The following POPDC3 variants were observed in gnomAD, a reference collection of about 807,000 sequenced individuals.
The protein encoded by POPDC3 is popeye domain-containing protein 3.
POPDC3 carries 20 observed loss-of-function variants against 28.2 expected under a neutral mutation model. The observed-to-expected ratio is 0.71, with a 90% CI of 0.50 to 1.03. The LOEUF is 1.03. Ranked by LOEUF, POPDC3 falls within the 50% of genes least tolerant of loss-of-function variation. The probability of loss-of-function intolerance (pLI) is 0.00; values close to 1 mark genes in which losing one functional copy is unlikely to be tolerated. For missense variants in POPDC3, 316 were observed against 345.9 expected (o/e 0.91, Z 0.69); for synonymous variants, 118 against 124.1 (o/e 0.95, Z 0.33).
At chr6:105,166,713 T>C (rs976211988) in intron 1 of POPDC3, 1 of 467,860 alleles carries the variant, frequency 2.1e-6, no homozygotes, top group Non-Finnish European at 4.4e-6. Flanking sequence ...GTAAGCTGAG[T>C]TTTTAATGGC....
intron 1 of POPDC3, among the ~76,000 whole-genome samples, chr6:105,175,568 C>T (rs145906981): frequency 5.7e-4 from 78 of 136,046 alleles, no homozygotes; most frequent in African/African-American, 2.1e-3. Flanking sequence ...ATAGGCCAGG[C>T]GCAGTGGCTC....
At chr6:105,161,081 T>C (rs1381963591) in intron 2 of POPDC3, among the ~76,000 whole-genome samples, 1 of 152,238 alleles carries the variant, frequency 6.6e-6, no homozygotes, top group African/African-American at 2.4e-5. Context: ...TTAAAATATT[T>C]TGCACGCCAA....
In POPDC3 at chr6:105,157,979, A is replaced by G. The variant is rs1369945473; in HGVS notation, c.*491T>C. Reference sequence around the variant, plus strand: ...TATTATTATCTCTTGCATTTATTCTACTTTTTAGTCGCATCAAGTAACTGC... The same window carrying G: ...TATTATTATCTCTTGCATTTATTCTGCTTTTTAGTCGCATCAAGTAACTGC... On this transcript the variant is annotated 3_prime_UTR_variant, in exon 4 of 4. Coordinates refer to ENST00000254765, the MANE Select transcript of POPDC3 (RefSeq NM_022361.5). Among the ~76,000 whole-genome samples, 1 of 150,664 alleles carries G rather than the reference A, an allele frequency of 6.6e-6. No individual in the cohort carries two copies. The highest frequency in any genetic ancestry group is 1.5e-5 in the Non-Finnish European group (1 of 67,754).
intron 1 of POPDC3, among the ~76,000 whole-genome samples, chr6:105,164,465 A>G (rs1040995722): frequency 1.3e-5 from 2 of 152,310 alleles, no homozygotes; most frequent in African/African-American, 2.4e-5. Context: ...GTACTGCTCA[A>G]TGCAGCGTGC....
At chr6:105,158,911 A>G (rs1253001169) in intron 3 of POPDC3, 160 bp from the exon 4 acceptor site, 17 of 550,108 alleles carry the variant, frequency 3.1e-5, no homozygotes, top group Non-Finnish European at 9.5e-6. Flanking sequence ...AAACTACAAA[A>G]TTCGTTACTA....
intron 1 of POPDC3, among the ~76,000 whole-genome samples, chr6:105,175,443 T>G (rs944504518): frequency 1.5e-5 from 2 of 134,700 alleles, no homozygotes; most frequent in African/African-American, 2.8e-5. Flanking sequence ...GAGGCTGAGG[T>G]GGGAGGACTG....
chr6:105,162,265 T>G (rs756816179), intron 1 of POPDC3, 105 bp from the exon 2 acceptor site: 10 of 490,672 alleles, frequency 2.0e-5, no homozygotes, highest in East Asian at 2.1e-4. Flanking sequence ...CCTCCCATTT[T>G]CTATGAAGTT....
intron 1 of POPDC3, among the ~76,000 whole-genome samples, chr6:105,172,980 T>C (rs1223313369): frequency 6.6e-6 from 1 of 152,140 alleles, no homozygotes; most frequent in African/African-American, 2.4e-5. Flanking sequence ...GGCACATGTA[T>C]ACATATGTAA....
Sources: allele counts gnomAD v4.1 joint callset (sites outside exome capture counted in the v4.1 genomes callset), GRCh38; gene constraint gnomAD v4.1.1; transcripts MANE v1.5; gene names NCBI Gene and HGNC (gene_info 2026-07-23, HGNC 2026-07-21).